Variants in IP6K2 observed in about 807,000 individuals in gnomAD.
The protein encoded by IP6K2 is inositol hexakisphosphate kinase 2, also known as ATP:1D-myo-inositol-hexakisphosphate phosphotransferase.
IP6K2 carries 9 observed loss-of-function variants against 43.3 expected under a neutral mutation model. That is an observed-to-expected ratio of 0.21 (90% CI 0.13 to 0.36). The LOEUF (loss-of-function observed/expected upper bound fraction) is 0.36. Among genes scored for constraint, IP6K2 ranks in the 10% least tolerant of loss-of-function variants. The probability of loss-of-function intolerance (pLI) is 1.00; values close to 1 mark genes in which losing one functional copy is unlikely to be tolerated. For missense variants in IP6K2, 332 were observed against 538.4 expected (o/e 0.62, Z 3.79); for synonymous variants, 209 against 202.4 (o/e 1.03, Z -0.28).
At position 48,717,198 on chromosome 3, in the gene IP6K2, T is replaced by G. The variant is rs945651993; in HGVS notation, c.-172A>C. ...GTTCCTCGGCGTTTCCGTCCTATTGTTTCTCTCGCACCAAAATGGCTGCGG... is the reference window on the plus strand; with the variant it reads ...GTTCCTCGGCGTTTCCGTCCTATTGGTTCTCTCGCACCAAAATGGCTGCGG... On this transcript the variant is annotated 5_prime_UTR_variant, in exon 1 of 6. Coordinates refer to ENST00000328631, the MANE Select transcript of IP6K2 (RefSeq NM_016291.4). The G allele has an allele frequency of 6.5e-6, 1 of 154,950 alleles. No individual in the cohort carries two copies. Among genetic ancestry groups the G allele is most frequent in the African/African-American group, 2.4e-5 (1 of 41,536 alleles). The allele number at this position is 154,950 out of a possible 1,614,324, so 9.6% of individuals were successfully genotyped here. A position where few individuals can be genotyped will look rare whatever the true frequency, so the allele number is the denominator to read the frequency against.
chr3:48,690,141 G>A (rs115632545), intron 4 of IP6K2, among the ~76,000 whole-genome samples: 48 of 152,310 alleles, frequency 3.2e-4, no homozygotes, highest in African/African-American at 1.1e-3. Flanking sequence ...TTAAACGTCT[G>A]CTTCTCAGCT....
chr3:48,707,216 G>A (rs1343068341), intron 1 of IP6K2, among the ~76,000 whole-genome samples: 2 of 152,122 alleles, frequency 1.3e-5, no homozygotes, highest in East Asian at 3.8e-4. Flanking sequence ...AAATACTGGG[G>A]GAAGAGGAGG....
chr3:48,697,824 G>A (rs981843683), intron 1 of IP6K2, among the ~76,000 whole-genome samples: 4 of 152,122 alleles, frequency 2.6e-5, no homozygotes, highest in South Asian at 2.1e-4. Context: ...GACTACAGGT[G>A]CATGCCACCA....
chr3:48,693,285 C>CT (rs1559511817), intron 2 of IP6K2, 106 bp from the exon 3 acceptor site: 1 of 1,178,186 alleles, frequency 8.5e-7, no homozygotes, highest in Admixed American at 1.7e-5. Context: ...TCCTTAGTCT[C>CT]TATGTTGCCA....
chr3:48,707,591 C>T (rs552800043), intron 1 of IP6K2, among the ~76,000 whole-genome samples: 6 of 152,242 alleles, frequency 3.9e-5, no homozygotes, highest in African/African-American at 9.6e-5. Flanking sequence ...TGCGCCACCA[C>T]GCCCGGCTAA....
At position 48,695,321 on chromosome 3, in the gene IP6K2, G is replaced by C; in HGVS notation, c.-30C>G. The stretch of plus-strand genomic sequence containing the variant: ...CGGGCGCAGATGGCGGGGAGATGGG[G>C]GAGGCAGCGGAGTCCAGCGGCCAGT... On this transcript the variant is annotated 5_prime_UTR_variant, in exon 2 of 6. Coordinates refer to ENST00000328631, the MANE Select transcript of IP6K2 (RefSeq NM_016291.4). This position sits in a 1 kb window ranked among gnomAD's most constrained non-coding sequence, Gnocchi z 4.6. 4 of 1,593,362 alleles carry C rather than the reference G, an allele frequency of 2.5e-6. No homozygotes were observed. Among genetic ancestry groups the C allele is most frequent in the Non-Finnish European group, 3.4e-6 (4 of 1,168,194 alleles).
At chr3:48,708,331 G>A (rs1216159896) in intron 1 of IP6K2, 4 of 152,046 alleles carry the variant, frequency 2.6e-5, no homozygotes, top group Admixed American at 6.6e-5. Flanking sequence ...AAGAATTTAA[G>A]CAATTTTAAA....
chr3:48,697,309 G>A (rs1328096736), intron 1 of IP6K2, among the ~76,000 whole-genome samples: 3 of 151,264 alleles, frequency 2.0e-5, no homozygotes, highest in East Asian at 2.0e-4. Flanking sequence ...GTGAGCCACC[G>A]CGCCCGGCCA....
chr3:48,697,488 A>ATTTTTTTTTTTTTTTT (rs35746542), intron 1 of IP6K2, among the ~76,000 whole-genome samples: 5 of 64,326 alleles, frequency 7.8e-5, no homozygotes, highest in East Asian at 4.9e-4. Flanking sequence ...ATGCCTGGCT[A>ATTTTTTTTTTTTTTTT]TTTTTTTTTT....
At chr3:48,706,815 CA>C (rs1211206757) in intron 1 of IP6K2, among the ~76,000 whole-genome samples, 3 of 151,696 alleles carry the variant, frequency 2.0e-5, no homozygotes, top group Admixed American at 6.6e-5. Flanking sequence ...ACCCTGTCCC[CA>C]AAAAAATAAA....
At chr3:48,696,726 T>C (rs1446920778) in intron 1 of IP6K2, among the ~76,000 whole-genome samples, 1 of 152,218 alleles carries the variant, frequency 6.6e-6, no homozygotes, top group Non-Finnish European at 1.5e-5. Flanking sequence ...TCAGTTCCCA[T>C]GACTCTAACT....
At chr3:48,716,321 T>G (rs908572679) in intron 1 of IP6K2, 1 of 152,254 alleles carries the variant, frequency 6.6e-6, no homozygotes, top group African/African-American at 2.4e-5. Flanking sequence ...TTTTTTGTTC[T>G]GTGTACATTC....
intron 1 of IP6K2, among the ~76,000 whole-genome samples, chr3:48,706,267 G>A (rs140273371): frequency 2.6e-5 from 4 of 151,672 alleles, no homozygotes; most frequent in South Asian, 2.1e-4. Flanking sequence ...GACCAGCCTC[G>A]GCAACACAGC....
intron 1 of IP6K2, among the ~76,000 whole-genome samples, chr3:48,697,813 G>A (rs1310426757): frequency 6.6e-6 from 1 of 152,018 alleles, no homozygotes; most frequent in Admixed American, 6.6e-5. Flanking sequence ...CAAGCAGCTA[G>A]GACTACAGGT....
chr3:48,699,320 G>C (rs1027878940), intron 1 of IP6K2: 3 of 151,814 alleles, frequency 2.0e-5, no homozygotes, highest in Admixed American at 6.6e-5. Context: ...TGAGGCAGGA[G>C]AATCGCTTGA....
At chr3:48,691,777 T>C (rs2077808156) in intron 3 of IP6K2, among the ~76,000 whole-genome samples, 1 of 152,034 alleles carries the variant, frequency 6.6e-6, no homozygotes, top group African/African-American at 2.4e-5. Context: ...CTCCAGAGCC[T>C]GGGCAACAGA....
At position 48,689,616 on chromosome 3, in the gene IP6K2, C is replaced by T. The variant is rs2077597774; in HGVS notation, c.702G>A (p.Glu234=). The T allele has an allele frequency of 6.2e-7, 1 of 1,614,244 alleles. No individual in the cohort carries two copies. The highest frequency in any genetic ancestry group is 1.3e-5 in the African/African-American group (1 of 75,068). ...TTCGGATCTGGTTGGCTGCCTTCTC[C>T]TCTGAAGCATCATCACCATGTTGTC... ...GTRQHGDDAS[E]EKAANQIRKC... The change falls in exon 5 of 6, where the codon GAG becomes GAA. Residue 234 remains glutamate (E), a synonymous_variant. Coordinates refer to ENST00000328631, the MANE Select transcript of IP6K2 (RefSeq NM_016291.4).
At chr3:48,715,505 G>C in intron 1 of IP6K2, 4 of 1,507,596 alleles carry the variant, frequency 2.7e-6, no homozygotes, top group Non-Finnish European at 3.6e-6. Context: ...AGCATACAGT[G>C]TACCTGTCTG....
rs1187770984 is a variant in IP6K2 at position 48,712,550 on chromosome 3, A to G, written c.-131+4607T>C. On this transcript the variant is annotated intron_variant, in intron 1 of 5. Coordinates refer to ENST00000328631, the MANE Select transcript of IP6K2 (RefSeq NM_016291.4). ...CATGAGCCACCATGCCCGGCCTACA[A>G]TAAAATTTTTAAAATGAGCTGCGCC... Among the ~76,000 whole-genome samples the G allele has an allele frequency of 2.0e-5, 3 of 151,946 alleles. No homozygotes were observed. The South Asian group carries it at 6.3e-4, about 32-fold the overall frequency.
Sources: allele counts gnomAD v4.1 joint callset (sites outside exome capture counted in the v4.1 genomes callset), GRCh38; gene constraint gnomAD v4.1.1; non-coding constraint Gnocchi (gnomAD v3.1); transcripts MANE v1.5; gene names NCBI Gene and HGNC (gene_info 2026-07-23, HGNC 2026-07-21).